MGAT5: variants seen among roughly 807,000 people sequenced by gnomAD.
MGAT5 encodes the protein alpha-1,6-mannosylglycoprotein 6-beta-N-acetylglucosaminyltransferase, also known as alpha-1,6-mannosylglycoprotein 6-beta-N-acetylglucosaminyltransferase A.
A neutral mutation model predicts 94.3 loss-of-function variants in MGAT5; 30 were observed. The ratio of observed to expected loss-of-function variants is 0.32; its 90% CI spans 0.24 to 0.43. MGAT5 has a LOEUF of 0.43. Among genes scored for constraint, MGAT5 ranks in the 20% least tolerant of loss-of-function variants. The pLI is 1.00. For missense variants in MGAT5, 691 were observed against 905.5 expected, an observed-to-expected ratio of 0.76 and a Z score of 3.04; for synonymous variants, 310 against 322.9, an observed-to-expected ratio of 0.96 and a Z score of 0.43.
In MGAT5 at chr2:134,207,987, A is replaced by G. The variant is rs1053021827; in HGVS notation, c.-142-46275A>G. On this transcript the variant is annotated intron_variant, in intron 1 of 16. Coordinates refer to the MGAT5 transcript ENST00000409645. ...GGAAGGTGAAAAGACTTTGCGTTCT[A>G]CTTCCAAAAGTTTTCACATTTGTCA... Among the ~76,000 whole-genome samples, 11 of 152,296 alleles carry G rather than the reference A, an allele frequency of 7.2e-5. No individual in the cohort carries two copies. In the East Asian group the frequency reaches 2.1e-3, roughly 29 times the overall value.
intron 10 of MGAT5, among the ~76,000 whole-genome samples, chr2:134,369,817 G>GA (rs1680674994): frequency 6.7e-6 from 1 of 150,042 alleles, no homozygotes; most frequent in South Asian, 2.1e-4. Flanking sequence ...ATCCTTTACG[G>GA]AAAAAATTTG....
chr2:134,157,012 T>C (rs1255630315), intron 1 of MGAT5, among the ~76,000 whole-genome samples: 4 of 152,172 alleles, frequency 2.6e-5, no homozygotes, highest in African/African-American at 7.2e-5. Flanking sequence ...AGCCTCCAGA[T>C]ATGGAGGAAC....
At chr2:134,198,335 G>A (rs1225485327) in intron 1 of MGAT5, among the ~76,000 whole-genome samples, 1 of 152,128 alleles carries the variant, frequency 6.6e-6, no homozygotes. Context: ...GTGTAGCTCT[G>A]AAGATCACCA....
intron 1 of MGAT5, among the ~76,000 whole-genome samples, chr2:134,173,156 T>C (rs1004312389): frequency 6.6e-6 from 1 of 152,200 alleles, no homozygotes. Flanking sequence ...CATGAGATTT[T>C]TGTCTCAAAT....
At chr2:134,274,035 T>C (rs1412885433) in intron 2 of MGAT5, among the ~76,000 whole-genome samples, 1 of 152,242 alleles carries the variant, frequency 6.6e-6, no homozygotes, top group Admixed American at 6.5e-5. Flanking sequence ...TCTAGTTTTG[T>C]GATCTTAAGT....
chr2:134,201,859 C>CT (rs1269184413), intron 1 of MGAT5, among the ~76,000 whole-genome samples: 1 of 122,674 alleles, frequency 8.2e-6, no homozygotes, highest in Non-Finnish European at 1.6e-5. Flanking sequence ...AGAGGAGTGA[C>CT]TATCCCTCCA....
intron 4 of MGAT5, among the ~76,000 whole-genome samples, chr2:134,331,053 C>T (rs181455954): frequency 1.3e-5 from 2 of 152,094 alleles, no homozygotes; most frequent in African/African-American, 4.8e-5. Flanking sequence ...TATCTGCCAG[C>T]AACTTTTTTC....
In MGAT5 at chr2:134,345,128, T is replaced by A. The variant is rs1688846430; in HGVS notation, c.1112+64T>A. 2.0e-6 allele frequency: 3 copies of A among 1,530,850 alleles called. No individual in the cohort carries two copies. The South Asian group carries it at 3.7e-5, about 19-fold the overall frequency. 94.8% of individuals were successfully genotyped at this position (1,530,850 alleles called of 1,614,324 possible). A position where few individuals can be genotyped will look rare whatever the true frequency, so the allele number is the denominator to read the frequency against. ...CCCCTCCTTAACAAAGGTTGCATGG[T>A]TGTGGGTAGAAAAAGCTTATCAAAT... On this transcript the variant is annotated intron_variant, in intron 8 of 15. Coordinates refer to ENST00000281923, the MANE Select transcript of MGAT5 (RefSeq NM_002410.5).
At position 134,205,105 on chromosome 2, in the gene MGAT5, A is replaced by G. The variant is rs566406063; in HGVS notation, c.-142-49157A>G. 5.3e-5 allele frequency among the ~76,000 whole-genome samples: 8 copies of G among 152,342 alleles called. No homozygotes were observed. The South Asian group carries it at 1.7e-3, about 32-fold the overall frequency. Reference sequence around the variant, plus strand: ...AGGACAGAAGGCCAGAGTTGTGTGCATGGCATGTGAGTAAGAAAGAGAGTA... The same window carrying G: ...AGGACAGAAGGCCAGAGTTGTGTGCGTGGCATGTGAGTAAGAAAGAGAGTA... On this transcript the variant is annotated intron_variant, in intron 1 of 16. Transcript: ENST00000409645.
chr2:134,159,172 A>G (rs1265574289), intron 1 of MGAT5, among the ~76,000 whole-genome samples: 1 of 146,330 alleles, frequency 6.8e-6, no homozygotes, highest in African/African-American at 2.5e-5. Context: ...TCTTCTGGAG[A>G]ACACTGGTCT....
intron 1 of MGAT5, among the ~76,000 whole-genome samples, chr2:134,133,677 T>A (rs1388091589): frequency 1.3e-5 from 2 of 151,938 alleles, no homozygotes; most frequent in African/African-American, 4.8e-5. Context: ...CAGAGAAAGG[T>A]TTAATCAAAG....
chr2:134,305,146 C>G (rs1361924208), intron 2 of MGAT5, among the ~76,000 whole-genome samples: 4 of 152,298 alleles, frequency 2.6e-5, no homozygotes, highest in Non-Finnish European at 5.9e-5. Flanking sequence ...GGTGTCATCT[C>G]AATTCTGCAT....
At chr2:134,201,880 A>G (rs900005210) in intron 1 of MGAT5, among the ~76,000 whole-genome samples, 5 of 128,638 alleles carry the variant, frequency 3.9e-5, no homozygotes, top group Non-Finnish European at 6.2e-5. Flanking sequence ...AAAGCTGCTG[A>G]TTAGCACTCT....
intron 1 of MGAT5, among the ~76,000 whole-genome samples, chr2:134,160,827 G>T (rs1341234838): frequency 2.0e-5 from 3 of 152,254 alleles, no homozygotes; most frequent in African/African-American, 4.8e-5. Flanking sequence ...GAAAGGGGTT[G>T]TGGGGAAAGT....
At position 134,416,201 on chromosome 2, in the gene MGAT5, A is replaced by G. The variant is rs1486926372; in HGVS notation, c.1677+3186A>G. Among the ~76,000 whole-genome samples, 9 of 152,322 alleles carry G rather than the reference A, an allele frequency of 5.9e-5. No homozygotes were observed. In the East Asian group the frequency reaches 1.5e-3, roughly 26 times the overall value. On this transcript the variant is annotated intron_variant, in intron 12 of 15. Transcript: ENST00000281923. ...TTCACTGGCATTAAGTATATTTGCA[A>G]TATTGTGCAACCATCACTGCTATCC... is the stretch of plus-strand genomic sequence containing the variant.
chr2:134,127,501 C>T (rs1027649907), intron 1 of MGAT5, among the ~76,000 whole-genome samples: 4 of 127,714 alleles, frequency 3.1e-5, no homozygotes, highest in Admixed American at 1.7e-4. Flanking sequence ...GGTTTCCCCC[C>T]CCCCCAGGCT....
chr2:134,189,602 G>GTTTTGTTTTTTTTTTTTTTTTTTT (rs1553490380), intron 1 of MGAT5, among the ~76,000 whole-genome samples: 4 of 84,672 alleles, frequency 4.7e-5, no homozygotes, highest in African/African-American at 1.4e-4. Context: ...GTTTTTTTTT[G>GTTTTGTTTTTTTTTTTTTTTTTTT]TTTTTTTTTT....
At chr2:134,382,485 C>T (rs1681697954) in intron 10 of MGAT5, among the ~76,000 whole-genome samples, 1 of 152,200 alleles carries the variant, frequency 6.6e-6, no homozygotes, top group South Asian at 2.1e-4. Flanking sequence ...TGGAACTCGT[C>T]AAAAGCAGTA....
At chr2:134,379,696 G>A (rs1272804179) in intron 10 of MGAT5, among the ~76,000 whole-genome samples, 3 of 152,236 alleles carry the variant, frequency 2.0e-5, no homozygotes, top group Non-Finnish European at 4.4e-5. Context: ...CTGGTGACTA[G>A]CTAGGCCTAG....
Sources: allele counts gnomAD v4.1 joint callset (sites outside exome capture counted in the v4.1 genomes callset), GRCh38; gene constraint gnomAD v4.1.1; transcripts MANE v1.5; gene names NCBI Gene and HGNC (gene_info 2026-07-23, HGNC 2026-07-21).